The following OXR1 variants were observed in gnomAD, a reference collection of about 807,000 sequenced individuals.
OXR1 encodes oxidation resistance 1, also known as oxidation resistance protein 1.
In OXR1, 41 loss-of-function variants were observed where a neutral mutation model predicts 104.6. That is an observed-to-expected ratio of 0.39 (90% CI 0.31 to 0.51). The LOEUF (loss-of-function observed/expected upper bound fraction) is 0.51, where lower values mean the gene tolerates loss of function less well. Ranked by LOEUF, OXR1 falls within the 20% of genes least tolerant of loss-of-function variation. The pLI is 0.77. For missense variants in OXR1, 955 were observed against 1,031.9 expected, an observed-to-expected ratio of 0.93 and a Z score of 1.02; for synonymous variants, 348 against 348.4, an observed-to-expected ratio of 1.00 and a Z score of 0.01.
At chr8:106,323,766 A>G (rs1245397332) in intron 1 of OXR1, among the ~76,000 whole-genome samples, 1 of 152,178 alleles carries the variant, frequency 6.6e-6, no homozygotes, top group Non-Finnish European at 1.5e-5. Flanking sequence ...AAAAAGCCCA[A>G]TATCACTGAC....
intron 11 of OXR1, among the ~76,000 whole-genome samples, chr8:106,728,737 A>G (rs1833586872): frequency 6.6e-6 from 1 of 152,168 alleles, no homozygotes; most frequent in African/African-American, 2.4e-5. Context: ...GCCATACTCT[A>G]CCTTGTTAGT....
chr8:106,396,505 T>C (rs1016900381), intron 2 of OXR1, among the ~76,000 whole-genome samples: 3 of 151,986 alleles, frequency 2.0e-5, no homozygotes, highest in Non-Finnish European at 2.9e-5. Flanking sequence ...ACTTGACAAA[T>C]ATTATTAAAA....
chr8:106,664,101 A>G (rs1826039548), intron 3 of OXR1, among the ~76,000 whole-genome samples: 1 of 152,204 alleles, frequency 6.6e-6, no homozygotes, highest in Non-Finnish European at 1.5e-5. Flanking sequence ...ACTCCCAACT[A>G]GTTAGCCTTT....
chr8:106,285,684 T>C (rs1278066296), intron 1 of OXR1, among the ~76,000 whole-genome samples: 2 of 152,076 alleles, frequency 1.3e-5, no homozygotes, highest in Non-Finnish European at 2.9e-5. Context: ...TGCATCGTGA[T>C]GCACTTTCAA....
chr8:106,526,386 T>G (rs915128120), intron 3 of OXR1, among the ~76,000 whole-genome samples: 1 of 152,238 alleles, frequency 6.6e-6, no homozygotes, highest in African/African-American at 2.4e-5. Flanking sequence ...GGAAATTTAA[T>G]GACCCTCATG....
Position 106,577,239 on chromosome 8 carries a change from CTCTG to C in OXR1, c.220+58107_220+58110del, listed in dbSNP as rs1237198159. On this transcript the variant is annotated intron_variant, in intron 3 of 16. Transcript: ENST00000517566. The stretch of plus-strand genomic sequence containing the variant: ...TTTTGTTTTTTTTTTGAGATGGAGT[CTCTG>C]TCTGTCGCCCAGACTGGAATGCAGT... Among the ~76,000 whole-genome samples the C allele has an allele frequency of 1.1e-4, 17 of 150,502 alleles. 1 individual carries two copies. The highest frequency in any genetic ancestry group is 9.9e-4 in the Admixed American group (15 of 15,104).
At chr8:106,271,205 T>C (rs948530889) in intron 1 of OXR1, among the ~76,000 whole-genome samples, 2 of 152,104 alleles carry the variant, frequency 1.3e-5, no homozygotes, top group African/African-American at 4.8e-5. Flanking sequence ...AGTGATTTAG[T>C]ACTGTTATCT....
chr8:106,505,575 G>A (rs1812105309), intron 2 of OXR1, among the ~76,000 whole-genome samples: 1 of 152,190 alleles, frequency 6.6e-6, no homozygotes, highest in South Asian at 2.1e-4. Context: ...TGAAGTGGGA[G>A]CTAGGGAAGG....
intron 1 of OXR1, among the ~76,000 whole-genome samples, chr8:106,299,488 T>C (rs1813141453): frequency 6.6e-6 from 1 of 152,186 alleles, no homozygotes; most frequent in South Asian, 2.1e-4. Flanking sequence ...TGTGTTGTAG[T>C]TTTCAGAATG....
intron 3 of OXR1, among the ~76,000 whole-genome samples, chr8:106,649,511 G>A (rs544467400): frequency 8.0e-5 from 11 of 138,124 alleles, no homozygotes; most frequent in Non-Finnish European, 1.1e-4. Flanking sequence ...AATGAGACCA[G>A]AAATTACTAA....
intron 3 of OXR1, among the ~76,000 whole-genome samples, chr8:106,626,044 TTGTGTG>T (rs59554916): frequency 2.7e-5 from 4 of 148,334 alleles, no homozygotes; most frequent in Admixed American, 6.7e-5. Flanking sequence ...GTTCTGCGTT[TTGTGTG>T]TGTGTGTGTG....
chr8:106,448,946 A>G (rs1297465876), intron 2 of OXR1, among the ~76,000 whole-genome samples: 6 of 152,100 alleles, frequency 3.9e-5, no homozygotes, highest in Non-Finnish European at 8.8e-5. Flanking sequence ...AATTAAAGCT[A>G]TTTTGTTCTC....
chr8:106,450,608 A>G (rs1364366056), intron 2 of OXR1, among the ~76,000 whole-genome samples: 3 of 152,174 alleles, frequency 2.0e-5, no homozygotes, highest in Non-Finnish European at 2.9e-5. Context: ...CACTGTACAC[A>G]ACAAACTGCC....
In OXR1 at chr8:106,739,438, A is replaced by G. The variant is rs1353380222; in HGVS notation, c.2038-20A>G. On this transcript the variant is annotated intron_variant, in intron 12 of 16. Coordinates refer to ENST00000517566, the MANE Select transcript of OXR1 (RefSeq NM_001198533.2). ...TGTCACAAGTTTACATTAATGCACT[A>G]CCTCTATTTACTGTTTTAGATTACT... is the stretch of plus-strand genomic sequence containing the variant. 1.9e-6 allele frequency: 3 copies of G among 1,603,752 alleles called. No individual in the cohort carries two copies. The highest frequency in any genetic ancestry group is 2.7e-5 in the African/African-American group (2 of 74,650).
intron 11 of OXR1, among the ~76,000 whole-genome samples, chr8:106,731,927 T>C (rs112957397): frequency 1.2e-4 from 18 of 152,278 alleles, no homozygotes; most frequent in African/African-American, 2.9e-4. Flanking sequence ...TTTGCCTGTA[T>C]CTACAAAATA....
chr8:106,541,863 T>C (rs917739924), intron 3 of OXR1, among the ~76,000 whole-genome samples: 3 of 152,186 alleles, frequency 2.0e-5, no homozygotes, highest in Admixed American at 1.3e-4. Flanking sequence ...AGGGATAAGA[T>C]ACCAACATTT....
chr8:106,282,489 G>T (rs1812329687), intron 1 of OXR1, among the ~76,000 whole-genome samples: 1 of 152,060 alleles, frequency 6.6e-6, no homozygotes, highest in South Asian at 2.1e-4. Context: ...TATAACATTC[G>T]ACCCCTCAAA....
At chr8:106,387,407 A>G (rs1284943469) in intron 2 of OXR1, among the ~76,000 whole-genome samples, 1 of 152,124 alleles carries the variant, frequency 6.6e-6, no homozygotes, top group Non-Finnish European at 1.5e-5. Context: ...TCTAGACACA[A>G]TTATGTTTTC....
At chr8:106,541,569 C>T (rs1265150745) in intron 3 of OXR1, among the ~76,000 whole-genome samples, 1 of 152,144 alleles carries the variant, frequency 6.6e-6, no homozygotes, top group African/African-American at 2.4e-5. Context: ...CCATATCTAC[C>T]CTGCAAATAT....
Sources: gnomAD v4.1 joint callset for allele counts (sites outside exome capture counted in the v4.1 genomes callset) on GRCh38, gnomAD v4.1.1 for gene constraint, MANE v1.5 for transcripts, NCBI Gene and HGNC (gene_info 2026-07-23, HGNC 2026-07-21) for gene names.